The following PUDP variants were observed in gnomAD, a reference collection of about 807,000 sequenced individuals.
The protein encoded by PUDP is pseudouridine-5'-phosphatase.
A neutral mutation model predicts 9.4 loss-of-function variants in PUDP; 8 were observed. That is an observed-to-expected ratio of 0.85 (90% CI 0.50 to 1.53). PUDP has a LOEUF of 1.53. PUDP is among the 40% of genes most tolerant of loss of function. PUDP has a pLI of 0.00. For synonymous variants in PUDP, 99 were observed against 80.7 expected, an observed-to-expected ratio of 1.23 and a Z score of -1.22; for missense variants, 188 against 189.7, an observed-to-expected ratio of 0.99 and a Z score of 0.05.
At chrX:6,986,819 T>G (rs1171676685) in intron 1 of PUDP, among the ~76,000 whole-genome samples, 1 of 112,373 alleles carries the variant, frequency 8.9e-6, no homozygotes, top group African/African-American at 3.2e-5. Flanking sequence ...GGAGCAAGTA[T>G]GAAATATAGT....
intron 3 of PUDP, among the ~76,000 whole-genome samples, chrX:6,851,521 G>T (rs891522692): frequency 1.8e-5 from 2 of 111,222 alleles, no homozygotes; most frequent in South Asian, 7.6e-4. Context: ...AGAAGGGAGC[G>T]AGGAATTAGA....
rs757293996 is a variant in PUDP, at chrX:7,021,426, AC to A, written c.205-43084del. ...TTCACCCCACAAATGCCTTTAATGC[AC>A]CCCCCCTTAGTTTCTATCACATTGC... On this transcript the variant is annotated intron_variant and NMD_transcript_variant, in intron 1 of 3. Transcript: ENST00000655425. 1.3e-4 allele frequency among the ~76,000 whole-genome samples: 14 copies of A among 110,551 alleles called. No individual in the cohort carries two copies. The South Asian group carries it at 3.1e-3, about 25-fold the overall frequency.
In PUDP at chrX:7,050,243, A is replaced by G; in HGVS notation, c.*53T>C. ...TGCTGATTTCCTTTCCCTTTCCCCCAGCAGTGTGGACCATGAGAGTGGGCT... is the reference window on the plus strand; with the variant it reads ...TGCTGATTTCCTTTCCCTTTCCCCCGGCAGTGTGGACCATGAGAGTGGGCT... On this transcript the variant is annotated 3_prime_UTR_variant, in exon 4 of 4. Coordinates refer to ENST00000381077, the MANE Select transcript of PUDP (RefSeq NM_012080.5). The G allele has an allele frequency of 3.6e-6, 4 of 1,120,547 alleles. No homozygotes were observed. Among genetic ancestry groups the G allele is most frequent in the Non-Finnish European group, 3.6e-6 (3 of 824,100 alleles). 92.3% of individuals were successfully genotyped at this position (1,120,547 alleles called of 1,213,427 possible).
chrX:7,114,975 G>A (rs1215836404), intron 1 of PUDP, among the ~76,000 whole-genome samples: 1 of 112,137 alleles, frequency 8.9e-6, no homozygotes, highest in Non-Finnish European at 1.9e-5. Flanking sequence ...TAATGAAAGA[G>A]AGATTTAAAA....
At chrX:6,852,015 A>C (rs780345878) in intron 3 of PUDP, among the ~76,000 whole-genome samples, 1 of 112,495 alleles carries the variant, frequency 8.9e-6, no homozygotes, top group African/African-American at 3.2e-5. Flanking sequence ...CAATGTCTTC[A>C]TTTCTATATG....
chrX:7,005,465 A>G (rs1266457243), intron 1 of PUDP, among the ~76,000 whole-genome samples: 1 of 109,727 alleles, frequency 9.1e-6, no homozygotes, highest in Non-Finnish European at 1.9e-5. Flanking sequence ...GCTGGAGTGC[A>G]GTAGCTCAAT....
chrX:6,890,551 T>C (rs932088079), intron 3 of PUDP, among the ~76,000 whole-genome samples: 6 of 111,206 alleles, frequency 5.4e-5, no homozygotes, highest in Non-Finnish European at 1.1e-4. Flanking sequence ...AAAACAAGTA[T>C]CCTTTTTTAT....
intron 1 of PUDP, among the ~76,000 whole-genome samples, chrX:7,039,385 C>G (rs1373606903): frequency 8.9e-6 from 1 of 112,140 alleles, no homozygotes; most frequent in Non-Finnish European, 1.9e-5. Flanking sequence ...CACGCCTACC[C>G]CAAAACTCTT....
In PUDP at chrX:6,841,908, T is replaced by TG. The variant is rs761654221; in HGVS notation, c.*247+135224dup. Among the ~76,000 whole-genome samples, 59 of 109,942 alleles carry TG rather than the reference T, an allele frequency of 5.4e-4. 1 individual carries two copies. The highest frequency in any genetic ancestry group is 7.6e-4 in the African/African-American group (23 of 30,184). On this transcript the variant is annotated intron_variant and NMD_transcript_variant, in intron 3 of 3. Coordinates refer to the PUDP transcript ENST00000655425. ...CACACATGCCAATTCTGTGTGTGTG[T>TG]GGGGGGGGTTATGTGTGTGTATGTT...
At chrX:6,800,560 C>T (rs980967870) in intron 3 of PUDP, among the ~76,000 whole-genome samples, 5 of 112,169 alleles carry the variant, frequency 4.5e-5, no homozygotes, top group African/African-American at 1.6e-4. Flanking sequence ...TTTCGGTTCT[C>T]ACCAGCACTC....
chrX:7,098,860 G>A (rs111431408), intron 2 of PUDP, among the ~76,000 whole-genome samples: 12,197 of 54,671 alleles, frequency 0.22, 322 homozygotes, highest in African/African-American at 0.38. Flanking sequence ...GGGGAGAGCC[G>A]GCCAAGAGAT....
upstream of PUDP, among the ~76,000 whole-genome samples, chrX:6,723,943 A>T (rs1473624886): frequency 2.7e-5 from 3 of 111,956 alleles, no homozygotes; most frequent in East Asian, 5.6e-4. Flanking sequence ...TTACTCAAAA[A>T]GATTTTTTTT....
chrX:6,881,904 A>T (rs2085031616), intron 3 of PUDP, among the ~76,000 whole-genome samples: 1 of 111,193 alleles, frequency 9.0e-6, no homozygotes, highest in Admixed American at 9.6e-5. Context: ...CAACAATCTG[A>T]ATTTTCTGGA....
chrX:6,909,345 G>A (rs1602668891), intron 3 of PUDP, among the ~76,000 whole-genome samples: 1 of 111,884 alleles, frequency 8.9e-6, no homozygotes, highest in East Asian at 2.8e-4. Context: ...AGTACTTTGA[G>A]TATGGTAGCA....
At chrX:7,080,244 C>T (rs1330602238) in intron 2 of PUDP, among the ~76,000 whole-genome samples, 1 of 112,205 alleles carries the variant, frequency 8.9e-6, no homozygotes, top group Non-Finnish European at 1.9e-5. Context: ...TGAGATAATT[C>T]TTTGAAAGAT....
intron 1 of PUDP, 37 bp from the exon 2 acceptor site, chrX:7,105,875 C>A (rs1397047973): frequency 1.0e-6 from 1 of 955,761 alleles, no homozygotes; most frequent in African/African-American, 1.9e-5. Flanking sequence ...AGAGTGCATA[C>A]TGTATGAACA....
At chrX:6,836,099 G>A (rs959499133) in intron 3 of PUDP, among the ~76,000 whole-genome samples, 1 of 111,262 alleles carries the variant, frequency 9.0e-6, no homozygotes, top group Non-Finnish European at 1.9e-5. Context: ...TAAGTTGTAT[G>A]TTCTAATAAT....
At chrX:6,868,917 A>G (rs1163538874) in intron 3 of PUDP, among the ~76,000 whole-genome samples, 1 of 111,767 alleles carries the variant, frequency 8.9e-6, no homozygotes, top group African/African-American at 3.3e-5. Context: ...TTTCTAATCT[A>G]CTTTCAACTT....
intron 3 of PUDP, among the ~76,000 whole-genome samples, chrX:6,970,026 G>A (rs1410638677): frequency 9.0e-6 from 1 of 111,708 alleles, no homozygotes; most frequent in Non-Finnish European, 1.9e-5. Flanking sequence ...AAACGTGTGG[G>A]GTTTAGGGGC....
Sources: allele counts gnomAD v4.1 joint callset (sites outside exome capture counted in the v4.1 genomes callset), GRCh38; gene constraint gnomAD v4.1.1; transcripts MANE v1.5; gene names NCBI Gene and HGNC (gene_info 2026-07-23, HGNC 2026-07-21).